The following SLC35B3 variants were observed in gnomAD, a reference collection of about 807,000 sequenced individuals.
The protein encoded by SLC35B3 is solute carrier family 35 member B3, also known as adenosine 3'-phospho 5'-phosphosulfate transporter 2.
SLC35B3 carries 35 observed loss-of-function variants against 44.1 expected under a neutral mutation model. The ratio of observed to expected loss-of-function variants is 0.79; its 90% confidence interval spans 0.61 to 1.05. The LOEUF (loss-of-function observed/expected upper bound fraction) is 1.05, where lower values mean the gene tolerates loss of function less well. Ranked by LOEUF, SLC35B3 falls within the 50% of genes least tolerant of loss-of-function variation. The pLI, the probability that SLC35B3 is intolerant of heterozygous loss-of-function variation, is 0.00. For synonymous variants in SLC35B3, 146 were observed against 167.3 expected (o/e 0.87, Z 0.98); for missense variants, 414 against 476.4 (o/e 0.87, Z 1.22).
In SLC35B3 at chr6:8,434,391, A is replaced by G; in HGVS notation, c.-4T>C. 1 of 1,613,036 alleles carries G rather than the reference A, an allele frequency of 6.2e-7. No individual in the cohort carries two copies. The highest frequency in any genetic ancestry group is 8.5e-7 in the Non-Finnish European group (1 of 1,179,362). The stretch of plus-strand genomic sequence containing the variant: ...ACAAATAAAAGAATCTTACCATGCC[A>G]TTATGCCTTGATTAACTGCGCTCCG... On this transcript the variant is annotated 5_prime_UTR_variant, in exon 2 of 11. Coordinates refer to ENST00000644923, the MANE Select transcript of SLC35B3 (RefSeq NM_001370476.2). The surrounding 1 kb of genome is among the most constrained non-coding windows in gnomAD (Gnocchi z 6.3).
chr6:8,422,283 G>A (rs908461825), intron 5 of SLC35B3, among the ~76,000 whole-genome samples, 187 bp downstream of exon 4: 1 of 152,126 alleles, frequency 6.6e-6, no homozygotes, highest in Non-Finnish European at 1.5e-5. Flanking sequence ...GATTACAGGC[G>A]TGAGCCACTG....
chr6:8,428,845 A>G (rs1255577852), intron 3 of SLC35B3, among the ~76,000 whole-genome samples: 3 of 152,148 alleles, frequency 2.0e-5, no homozygotes, highest in Non-Finnish European at 4.4e-5. Context: ...CAAGTTTTAT[A>G]TCACCTACTA....
chr6:8,433,593 C>T lies in SLC35B3; in HGVS notation c.3+792G>A, dbSNP rs1412488294. ...GTGCTGCAGATCTAGGCCATATGTG[C>T]AGAATGAAATCTCTCTAGCACTGTC... On this transcript the variant is annotated intron_variant, in intron 2 of 10. Coordinates refer to ENST00000644923, the MANE Select transcript of SLC35B3 (RefSeq NM_001370476.2). The surrounding 1 kb of genome is among the most constrained non-coding windows in gnomAD (Gnocchi z 4.1). Among the ~76,000 whole-genome samples the T allele has an allele frequency of 6.6e-6, 1 of 152,134 alleles. No individual in the cohort carries two copies. The highest frequency in any genetic ancestry group is 2.4e-5 in the African/African-American group (1 of 41,406).
chr6:8,423,327 C>T (rs9406135), intron 4 of SLC35B3, among the ~76,000 whole-genome samples: 77,260 of 151,978 alleles, frequency 0.51, 20,800 homozygotes, highest in African/African-American at 0.71. Context: ...GATTTAAAAC[C>T]CTAGATGTAA....
intron 9 of SLC35B3, 70 bp from the exon 9 acceptor site, chr6:8,415,047 G>T: frequency 9.3e-7 from 1 of 1,071,278 alleles, no homozygotes; most frequent in Non-Finnish European, 1.4e-6. Context: ...CACTTATTCA[G>T]CAAATATTTA....
rs1302690917 is a variant in SLC35B3 at position 8,435,188 on chromosome 6, T to C, written c.-44+155A>G. 22 of 1,288,286 alleles carry C rather than the reference T, an allele frequency of 1.7e-5. No individual in the cohort carries two copies. The African/African-American group carries it at 3.0e-4, about 18-fold the overall frequency. 79.8% of individuals were successfully genotyped at this position (1,288,286 alleles called of 1,614,324 possible). A position where few individuals can be genotyped will look rare whatever the true frequency, so the allele number is the denominator to read the frequency against. On this transcript the variant is annotated intron_variant, in intron 1 of 10. Coordinates refer to ENST00000644923, the MANE Select transcript of SLC35B3 (RefSeq NM_001370476.2). This position sits in a 1 kb window ranked among gnomAD's most constrained non-coding sequence, Gnocchi z 5.5. ...TGGAAACCGCCCGGCCGGTTTCCGC[T>C]CTTTCAAAAAAGGGAATCACCCGTT...
At chr6:8,416,138 A>G (rs1164574675) in intron 9 of SLC35B3, among the ~76,000 whole-genome samples, 2 of 152,158 alleles carry the variant, frequency 1.3e-5, no homozygotes, top group African/African-American at 4.8e-5. Context: ...ATAGTGCCTA[A>G]TTTATAGGAC....
chr6:8,430,556 A>T (rs937799732), intron 2 of SLC35B3, among the ~76,000 whole-genome samples: 3 of 152,116 alleles, frequency 2.0e-5, no homozygotes, highest in African/African-American at 7.2e-5. Flanking sequence ...ATTCTAAGAT[A>T]TATTTGCTAA....
chr6:8,426,559 T>C (rs1763430180), intron 4 of SLC35B3, among the ~76,000 whole-genome samples: 1 of 152,190 alleles, frequency 6.6e-6, no homozygotes, highest in Non-Finnish European at 1.5e-5. Flanking sequence ...GCCACCACCA[T>C]GTAAGAAGTG....
In SLC35B3 at chr6:8,433,122, TAA is replaced by T. The variant is rs1263361642; in HGVS notation, c.3+1261_3+1262del. On this transcript the variant is annotated intron_variant, in intron 2 of 10. Coordinates refer to ENST00000644923, the MANE Select transcript of SLC35B3 (RefSeq NM_001370476.2). This position sits in a 1 kb window ranked among gnomAD's most constrained non-coding sequence, Gnocchi z 4.1. The stretch of plus-strand genomic sequence containing the variant: ...AAGATTCCTGTTAACTCTACCTCTA[TAA>T]CTATATCTAATATCTGTTTCGGACC... 3.0e-4 allele frequency among the ~76,000 whole-genome samples: 46 copies of T among 152,156 alleles called. No homozygotes were observed. Among genetic ancestry groups the T allele is most frequent in the African/African-American group, 1.1e-3 (46 of 41,444 alleles).
At position 8,433,269 on chromosome 6, in the gene SLC35B3, T is replaced by G. The variant is rs1764162589; in HGVS notation, c.3+1116A>C. Among the ~76,000 whole-genome samples the G allele has an allele frequency of 6.6e-6, 1 of 152,172 alleles. No homozygotes were observed. Among genetic ancestry groups the G allele is most frequent in the Non-Finnish European group, 1.5e-5 (1 of 68,030 alleles). ...GTGAAGTCTGATCATGCTGCATCCATGAATAAGGCCTCGAAGTTAAAAACG... is the reference window on the plus strand; with the variant it reads ...GTGAAGTCTGATCATGCTGCATCCAGGAATAAGGCCTCGAAGTTAAAAACG... On this transcript the variant is annotated intron_variant, in intron 2 of 10. Transcript: ENST00000644923. This position sits in a 1 kb window ranked among gnomAD's most constrained non-coding sequence, Gnocchi z 4.1.
intron 7 of SLC35B3, among the ~76,000 whole-genome samples, chr6:8,418,618 A>G (rs1054840435): frequency 1.3e-5 from 2 of 151,916 alleles, no homozygotes; most frequent in Non-Finnish European, 2.9e-5. Context: ...CAAAAAGATG[A>G]AATAACTTTA....
chr6:8,434,269 C>T lies in SLC35B3; in HGVS notation c.3+116G>A. ...TTTTCCGACCTGAAGGACAAAAGTCCCACACCAAAAAAAGGTAGAATATGA... is the reference window on the plus strand; with the variant it reads ...TTTTCCGACCTGAAGGACAAAAGTCTCACACCAAAAAAAGGTAGAATATGA... On this transcript the variant is annotated intron_variant, in intron 2 of 10. Transcript: ENST00000644923. The surrounding 1 kb of genome is among the most constrained non-coding windows in gnomAD (Gnocchi z 6.3). 1 of 945,162 alleles carries T rather than the reference C, an allele frequency of 1.1e-6. No homozygotes were observed. Among genetic ancestry groups the T allele is most frequent in the African/African-American group, 1.7e-5 (1 of 60,278 alleles). The allele number at this position is 945,162 out of a possible 1,614,324, so 58.5% of individuals were successfully genotyped here. A position where few individuals can be genotyped will look rare whatever the true frequency, so the allele number is the denominator to read the frequency against.
chr6:8,429,186 A>AT (rs1763724374), intron 3 of SLC35B3, among the ~76,000 whole-genome samples: 1 of 152,152 alleles, frequency 6.6e-6, no homozygotes, highest in Non-Finnish European at 1.5e-5. Flanking sequence ...CCATTCCAAC[A>AT]TCCTGTTTTC....
chr6:8,431,588 C>T (rs1561766144), intron 2 of SLC35B3, among the ~76,000 whole-genome samples: 1 of 152,152 alleles, frequency 6.6e-6, no homozygotes, highest in Non-Finnish European at 1.5e-5. Flanking sequence ...TTACTGTGTT[C>T]CTCTTGTTTA....
chr6:8,431,604 CACTTT>C, intron 2 of SLC35B3, among the ~76,000 whole-genome samples: 1 of 152,160 alleles, frequency 6.6e-6, no homozygotes, highest in Non-Finnish European at 1.5e-5. Flanking sequence ...GTTTATTCTT[CACTTT>C]CCTTTGTTCT....
chr6:8,424,282 C>T (rs545310131), intron 4 of SLC35B3, among the ~76,000 whole-genome samples: 14 of 152,176 alleles, frequency 9.2e-5, no homozygotes, highest in African/African-American at 2.4e-4. Flanking sequence ...GACGGAGTCT[C>T]GCTCTTGTTG....
At chr6:8,427,672 A>G (rs559635647) in intron 4 of SLC35B3, among the ~76,000 whole-genome samples, 2 of 152,330 alleles carry the variant, frequency 1.3e-5, no homozygotes, top group East Asian at 1.9e-4. Flanking sequence ...AAGTATGTAC[A>G]TTGTGTTTTT....
At chr6:8,415,376 GT>G (rs1762327472) in intron 9 of SLC35B3, among the ~76,000 whole-genome samples, 1 of 152,130 alleles carries the variant, frequency 6.6e-6, no homozygotes, top group Non-Finnish European at 1.5e-5. Context: ...CTTAATAGGG[GT>G]CATCTCTGGA....
Sources: gnomAD v4.1 joint callset for allele counts (sites outside exome capture counted in the v4.1 genomes callset) on GRCh38, gnomAD v4.1.1 for gene constraint, Gnocchi (gnomAD v3.1) non-coding constraint, MANE v1.5 for transcripts, NCBI Gene and HGNC (gene_info 2026-07-23, HGNC 2026-07-21) for gene names.